AOX1: variants seen among roughly 807,000 people sequenced by gnomAD.
The protein encoded by AOX1 is aldehyde oxidase 1.
Under a neutral mutation model 169.5 loss-of-function variants are expected in AOX1, and 153 were observed. The observed-to-expected ratio is 0.90, with a 90% CI of 0.79 to 1.03. AOX1 has a LOEUF of 1.03. Among genes scored for constraint, AOX1 ranks in the 50% least tolerant of loss-of-function variants. The pLI is 0.00. For synonymous variants in AOX1, 562 were observed against 581.9 expected (o/e 0.97, Z 0.49); for missense variants, 1,656 against 1,663.9 (o/e 1.00, Z 0.08).
intron 2 of AOX1, among the ~76,000 whole-genome samples, chr2:200,594,466 G>A (rs1247095314): frequency 6.6e-6 from 1 of 152,202 alleles, no homozygotes; most frequent in Non-Finnish European, 1.5e-5. Context: ...TGGTAAAGCA[G>A]TGTCACAATG....
intron 15 of AOX1, among the ~76,000 whole-genome samples, chr2:200,615,132 A>G (rs939622295): frequency 5.3e-5 from 8 of 151,942 alleles, no homozygotes; most frequent in Admixed American, 2.0e-4. Context: ...CAGCCTCCCA[A>G]ATAGCTGAGA....
chr2:200,654,930 C>T (rs2035652515), intron 26 of AOX1, among the ~76,000 whole-genome samples: 1 of 152,190 alleles, frequency 6.6e-6, no homozygotes, highest in South Asian at 2.1e-4. Context: ...CCACATGGAA[C>T]AAATGGCTGA....
Position 200,670,763 on chromosome 2 carries a change from C to A in AOX1, c.*84C>A. 1 of 1,110,522 alleles carries A rather than the reference C, an allele frequency of 9.0e-7. No individual in the cohort carries two copies. Among genetic ancestry groups the A allele is most frequent in the Non-Finnish European group, 1.3e-6 (1 of 744,458 alleles). The allele number at this position is 1,110,522 out of a possible 1,614,324, so 68.8% of individuals were successfully genotyped here. On this transcript the variant is annotated 3_prime_UTR_variant, in exon 35 of 35. Coordinates refer to ENST00000374700, the MANE Select transcript of AOX1 (RefSeq NM_001159.4). ...ATCTCTGTGCTGGAAGATGCTAGAT[C>A]TGAAAGACAGAGTTTCCACAGTTCA...
downstream of AOX1, among the ~76,000 whole-genome samples, chr2:200,680,911 A>G (rs1283853280): frequency 6.6e-6 from 1 of 152,206 alleles, no homozygotes; most frequent in Non-Finnish European, 1.5e-5. Context: ...AAAATGCCCT[A>G]AAGTGAAGAA....
intron 1 of AOX1, 122 bp downstream of exon 1, chr2:200,586,275 C>T: frequency 9.0e-7 from 1 of 1,115,386 alleles, no homozygotes; most frequent in Non-Finnish European, 1.2e-6. Context: ...CACGGACTGG[C>T]TTTCTCCCGT....
At chr2:200,608,551 G>A (rs560790158) in intron 10 of AOX1, among the ~76,000 whole-genome samples, 1 of 152,312 alleles carries the variant, frequency 6.6e-6, no homozygotes, top group Non-Finnish European at 1.5e-5. Flanking sequence ...TCTTAGGCAA[G>A]TTACTCAACT....
Position 200,609,427 on chromosome 2 carries a change from C to T in AOX1, c.1153+13C>T. On this transcript the variant is annotated intron_variant, in intron 12 of 34. Transcript: ENST00000374700. ...TTGCTATCAAAAGGTAAGTGACAGC[C>T]CCTACTTGGAGATTATTAAGCTGTT... 1 of 1,606,052 alleles carries T rather than the reference C, an allele frequency of 6.2e-7. No individual in the cohort carries two copies. Among genetic ancestry groups the T allele is most frequent in the South Asian group, 1.1e-5 (1 of 90,878 alleles).
In AOX1 at chr2:200,670,935, T is replaced by C; in HGVS notation, c.*256T>C. On this transcript the variant is annotated 3_prime_UTR_variant, in exon 35 of 35. Transcript: ENST00000374700. ...TCTAGGGTGATATCCGTCATTACTC[T>C]GTCTCTTCAATCCATCCAGCTAAAT... The C allele has an allele frequency of 2.5e-6, 1 of 396,030 alleles. No homozygotes were observed. The highest frequency in any genetic ancestry group is 3.7e-5 in the East Asian group (1 of 26,872). The allele number at this position is 396,030 out of a possible 1,614,324, so 24.5% of individuals were successfully genotyped here. A position where few individuals can be genotyped will look rare whatever the true frequency, so the allele number is the denominator to read the frequency against.
rs2035643723 is a variant in AOX1 at position 200,654,439 on chromosome 2, T to A, written c.3076-2403T>A. Among the ~76,000 whole-genome samples, 2 of 152,202 alleles carry A rather than the reference T, an allele frequency of 1.3e-5. 1 individual carries two copies. The highest frequency in any genetic ancestry group is 4.1e-4 in the South Asian group (2 of 4,828). The stretch of plus-strand genomic sequence containing the variant: ...TTTTAGACATAATGCTAGTGTACAC[T>A]TAATAGAGTACAGTGTAGCATAAAC... On this transcript the variant is annotated intron_variant, in intron 26 of 34. Transcript: ENST00000374700.
At chr2:200,665,679 C>A (rs2035911980) in intron 31 of AOX1, among the ~76,000 whole-genome samples, 1 of 152,082 alleles carries the variant, frequency 6.6e-6, no homozygotes, top group African/African-American at 2.4e-5. Context: ...TGATCTGCCC[C>A]CCTCGGCCTC....
intron 10 of AOX1, among the ~76,000 whole-genome samples, chr2:200,607,802 A>T (rs1170008547): frequency 6.6e-6 from 1 of 152,156 alleles, no homozygotes; most frequent in Non-Finnish European, 1.5e-5. Context: ...AAAGAATGAG[A>T]TCATGTCCTT....
Position 200,612,666 on chromosome 2 carries a change from G to A in AOX1, c.1321G>A (p.Val441Ile), listed in dbSNP as rs1345659875. The part of the protein sequence containing the change: ...AQRQENALAI[V>I]NSGMRVFFGE... ...GCGACAGGAGAATGCGCTAGCGATAGTCAATTCAGGAATGAGAGTCTTTTT... is the reference window on the plus strand; with the variant it reads ...GCGACAGGAGAATGCGCTAGCGATAATCAATTCAGGAATGAGAGTCTTTTT... The change falls in exon 14 of 35, where the codon GTC (valine) becomes ATC (isoleucine). Residue 441 changes from valine to isoleucine, a missense_variant. Coordinates refer to ENST00000374700, the MANE Select transcript of AOX1 (RefSeq NM_001159.4). 4 of 1,614,014 alleles carry A rather than the reference G, an allele frequency of 2.5e-6. No individual in the cohort carries two copies. The Admixed American group carries it at 5.0e-5, about 20-fold the overall frequency.
At chr2:200,605,446 G>C in intron 9 of AOX1, 90 bp from the exon 10 acceptor site, 1 of 505,324 alleles carries the variant, frequency 2.0e-6, no homozygotes, top group Non-Finnish European at 3.3e-6. Flanking sequence ...GATATTTAAA[G>C]ATATTAGTTT....
At chr2:200,639,681 G>A (rs4541241) in intron 23 of AOX1, among the ~76,000 whole-genome samples, 12,449 of 152,140 alleles carry the variant, frequency 0.082, 951 homozygotes, top group East Asian at 0.29. Context: ...AAAAGATGGA[G>A]AGATGAATAT....
intron 18 of AOX1, among the ~76,000 whole-genome samples, chr2:200,623,394 G>C (rs917959548): frequency 6.6e-6 from 1 of 152,226 alleles, no homozygotes; most frequent in African/African-American, 2.4e-5. Context: ...GGAGAGATGT[G>C]CTCACCATCA....
At chr2:200,623,712 T>A in intron 18 of AOX1, 149 bp from the exon 19 acceptor site, 1 of 1,200,714 alleles carries the variant, frequency 8.3e-7, no homozygotes, top group Non-Finnish European at 1.2e-6. Flanking sequence ...GCTGTGGTTA[T>A]AGTCATGGAC....
At chr2:200,651,679 A>T (rs748770813) in intron 26 of AOX1, among the ~76,000 whole-genome samples, 2 of 152,186 alleles carry the variant, frequency 1.3e-5, no homozygotes, top group African/African-American at 2.4e-5. Context: ...CAGAAAAATA[A>T]ATCACTTTTT....
At chr2:200,589,253 A>G (rs2034118022) in intron 1 of AOX1, among the ~76,000 whole-genome samples, 1 of 152,170 alleles carries the variant, frequency 6.6e-6, no homozygotes, top group Non-Finnish European at 1.5e-5. Flanking sequence ...GAGATTTCTG[A>G]AATCTTATTC....
chr2:200,613,727 A>G, intron 14 of AOX1, 77 bp from the exon 15 acceptor site: 1 of 1,387,574 alleles, frequency 7.2e-7, no homozygotes, highest in Admixed American at 2.2e-5. Context: ...AACTATGGCT[A>G]TTTGTCTTAC....
Sources: gnomAD v4.1 joint callset for allele counts (sites outside exome capture counted in the v4.1 genomes callset) on GRCh38, gnomAD v4.1.1 for gene constraint, MANE v1.5 for transcripts, NCBI Gene and HGNC (gene_info 2026-07-23, HGNC 2026-07-21) for gene names.